SKAP2: variants seen among roughly 807,000 people sequenced by gnomAD.
The protein encoded by SKAP2 is src kinase associated phosphoprotein 2, also known as src kinase-associated phosphoprotein 2.
A neutral mutation model predicts 54.9 loss-of-function variants in SKAP2; 28 were observed. The ratio of observed to expected loss-of-function variants is 0.51; its 90% CI spans 0.38 to 0.70. SKAP2 has a LOEUF of 0.70. Ranked by LOEUF, SKAP2 falls within the 30% of genes least tolerant of loss-of-function variation. The pLI is 0.00. For missense variants in SKAP2, 356 were observed against 424.1 expected, an observed-to-expected ratio of 0.84 and a Z score of 1.41; for synonymous variants, 137 against 134.3, an observed-to-expected ratio of 1.02 and a Z score of -0.14.
chr7:26,679,583 C>T (rs1047213116), intron 11 of SKAP2, among the ~76,000 whole-genome samples: 49 of 152,310 alleles, frequency 3.2e-4, no homozygotes, highest in African/African-American at 1.1e-3. Context: ...TTGGAGCTAG[C>T]TTAGTGTCAA....
At chr7:26,822,236 A>G (rs1198359988) in intron 4 of SKAP2, among the ~76,000 whole-genome samples, 1 of 152,106 alleles carries the variant, frequency 6.6e-6, no homozygotes, top group Non-Finnish European at 1.5e-5. Context: ...ATTTTTTACA[A>G]ATTGCAGGTT....
At chr7:26,672,961 C>CA (rs1478415383) in intron 11 of SKAP2, among the ~76,000 whole-genome samples, 4 of 151,936 alleles carry the variant, frequency 2.6e-5, no homozygotes, top group Non-Finnish European at 5.9e-5. Context: ...TTTCCACCCC[C>CA]AAACAAATGT....
intron 11 of SKAP2, among the ~76,000 whole-genome samples, chr7:26,678,128 A>G (rs1786396992): frequency 6.6e-6 from 1 of 152,184 alleles, no homozygotes; most frequent in Admixed American, 6.5e-5. Context: ...AATCTGTAAA[A>G]TTATAACATC....
chr7:26,760,069 T>G (rs915399641), intron 4 of SKAP2, among the ~76,000 whole-genome samples: 1 of 152,230 alleles, frequency 6.6e-6, no homozygotes, highest in African/African-American at 2.4e-5. Flanking sequence ...ATAACAAGTT[T>G]AATCATCCCT....
At chr7:26,809,095 A>C (rs1371294951) in intron 4 of SKAP2, among the ~76,000 whole-genome samples, 1 of 152,218 alleles carries the variant, frequency 6.6e-6, no homozygotes, top group Non-Finnish European at 1.5e-5. Context: ...CAACAGACTC[A>C]ATAGTAGGAA....
At chr7:26,863,475 A>G (rs183789720) in intron 1 of SKAP2, among the ~76,000 whole-genome samples, 29 of 152,326 alleles carry the variant, frequency 1.9e-4, no homozygotes, top group African/African-American at 7.0e-4. Context: ...GAGATAGGTA[A>G]GATTTGTGCT....
intron 4 of SKAP2, among the ~76,000 whole-genome samples, chr7:26,749,420 T>A (rs1239752803): frequency 6.6e-6 from 1 of 152,012 alleles, no homozygotes. Flanking sequence ...ATCTTAAAAG[T>A]CAAACAATTA....
At chr7:26,837,025 G>T (rs1562630172) in intron 4 of SKAP2, among the ~76,000 whole-genome samples, 2 of 152,178 alleles carry the variant, frequency 1.3e-5, no homozygotes, top group African/African-American at 4.8e-5. Flanking sequence ...ATGAGTTCGT[G>T]TCCTTTGCAG....
At chr7:26,783,446 C>T (rs184033873) in intron 4 of SKAP2, among the ~76,000 whole-genome samples, 1 of 151,982 alleles carries the variant, frequency 6.6e-6, no homozygotes, top group East Asian at 1.9e-4. Context: ...TATACAAGAC[C>T]CACCAAGACC....
At chr7:26,774,404 T>C (rs6461971) in intron 4 of SKAP2, among the ~76,000 whole-genome samples, 73,070 of 151,710 alleles carry the variant, frequency 0.48, 18,833 homozygotes, top group African/African-American at 0.65. Flanking sequence ...ACACCCCACA[T>C]AATATGCAAA....
chr7:26,864,394 G>T lies in SKAP2; in HGVS notation c.36C>A (p.Pro12=). ...ACAGGTTCCTAATTTCCTCAGGGAG[G>T]GGGTAGGGAGAGGAGGTGCTGCTGG... ...PNPSSTSSPY[P]LPEEIRNLLA... Residue 12 remains proline, a synonymous_variant, in exon 1 of 13, where the codon CCC becomes CCA. Transcript: ENST00000345317. The T allele has an allele frequency of 5.6e-6, 9 of 1,613,022 alleles. No homozygotes were observed. Among genetic ancestry groups the T allele is most frequent in the East Asian group, 2.2e-5 (1 of 44,696 alleles).
intron 9 of SKAP2, among the ~76,000 whole-genome samples, chr7:26,706,431 A>G: frequency 6.6e-6 from 1 of 152,158 alleles, no homozygotes; most frequent in East Asian, 1.9e-4. Flanking sequence ...CTTCTTTCCA[A>G]CCAGGAATAT....
At chr7:26,660,922 A>G in the SKAP2 span, among the ~76,000 whole-genome samples, 12 of 152,004 alleles carry the variant, frequency 7.9e-5, no homozygotes, top group Admixed American at 7.2e-4. Flanking sequence ...TACCAGAATT[A>G]TGTACTACAT....
intron 3 of SKAP2, among the ~76,000 whole-genome samples, chr7:26,852,812 T>C (rs1584427823): frequency 6.6e-6 from 1 of 152,174 alleles, no homozygotes; most frequent in Non-Finnish European, 1.5e-5. Context: ...CAAAGCACAA[T>C]GCAAGTTCGA....
chr7:26,727,137 T>C, intron 6 of SKAP2, 131 bp from the exon 7 acceptor site: 1 of 609,962 alleles, frequency 1.6e-6, no homozygotes, highest in Non-Finnish European at 2.7e-6. Flanking sequence ...ATATAATGCT[T>C]AGGTAATGTT....
chr7:26,694,661 T>TA (rs987848190), intron 9 of SKAP2, among the ~76,000 whole-genome samples: 120 of 142,086 alleles, frequency 8.4e-4, no homozygotes, highest in Middle Eastern at 3.6e-3. Flanking sequence ...CCTGAAGAAT[T>TA]AAAAAAAAAA....
At chr7:26,862,756 T>C (rs1785296006) in intron 1 of SKAP2, among the ~76,000 whole-genome samples, 1 of 152,122 alleles carries the variant, frequency 6.6e-6, no homozygotes, top group African/African-American at 2.4e-5. Context: ...TTTATGATTA[T>C]GGATCCAAAT....
At chr7:26,711,964 T>C (rs184811245) in intron 9 of SKAP2, among the ~76,000 whole-genome samples, 1 of 152,180 alleles carries the variant, frequency 6.6e-6, no homozygotes, top group East Asian at 1.9e-4. Flanking sequence ...CAGGAGTAAC[T>C]GGCAACTGAC....
intron 9 of SKAP2, among the ~76,000 whole-genome samples, chr7:26,710,706 C>G (rs979542443): frequency 2.0e-5 from 3 of 152,136 alleles, no homozygotes; most frequent in African/African-American, 7.2e-5. Flanking sequence ...CGCATTTTAT[C>G]CTATGGTCTG....
Sources: allele counts gnomAD v4.1 joint callset (sites outside exome capture counted in the v4.1 genomes callset), GRCh38; gene constraint gnomAD v4.1.1; transcripts MANE v1.5; gene names NCBI Gene and HGNC (gene_info 2026-07-23, HGNC 2026-07-21).